The following DHCR7 variants were observed in gnomAD, a reference collection of about 807,000 sequenced individuals.
The protein encoded by DHCR7 is 7-DHC reductase.
A neutral mutation model predicts 43.3 loss-of-function variants in DHCR7; 40 were observed. The observed-to-expected ratio is 0.92, with a 90% CI of 0.72 to 1.20. The LOEUF is 1.20. DHCR7 is among the 50% of genes most tolerant of loss of function. The pLI, the probability that DHCR7 is intolerant of heterozygous loss-of-function variation, is 0.00. For missense variants in DHCR7, 608 were observed against 644.6 expected, an observed-to-expected ratio of 0.94 and a Z score of 0.62; for synonymous variants, 298 against 271.4, an observed-to-expected ratio of 1.10 and a Z score of -0.96.
downstream of DHCR7, among the ~76,000 whole-genome samples, chr11:71,427,467 A>G (rs1266346040): frequency 6.6e-6 from 1 of 152,220 alleles, no homozygotes; most frequent in African/African-American, 2.4e-5. Flanking sequence ...TTGCAAGAAT[A>G]GAAATAAAAT....
rs1565584240 is a variant in DHCR7, at chr11:71,435,046, G to A, written c.*329C>T. The A allele has an allele frequency of 7.4e-6, 4 of 539,678 alleles. No homozygotes were observed. The highest frequency in any genetic ancestry group is 1.4e-5 in the Non-Finnish European group (4 of 280,906). 33.4% of individuals were successfully genotyped at this position (539,678 alleles called of 1,614,324 possible). On this transcript the variant is annotated 3_prime_UTR_variant, in exon 9 of 9. Coordinates refer to ENST00000355527, the MANE Select transcript of DHCR7 (RefSeq NM_001360.3). The stretch of plus-strand genomic sequence containing the variant: ...TCCTGCTCACCAGTGTGGGCAGAGT[G>A]TAGCGTGGCCTGGGCTCCTAATACA...
rs1288578316 is a variant in DHCR7 at position 71,434,442 on chromosome 11, T to G, written c.*933A>C. ...GAACAGGGGAAGTTTAATATAAAGATGAACTCTACTCGGAGCATAGAGTTT... is the reference window on the plus strand; with the variant it reads ...GAACAGGGGAAGTTTAATATAAAGAGGAACTCTACTCGGAGCATAGAGTTT... On this transcript the variant is annotated 3_prime_UTR_variant, in exon 9 of 9. Transcript: ENST00000355527. The G allele has an allele frequency of 2.0e-5, 3 of 152,946 alleles. No individual in the cohort carries two copies. Among genetic ancestry groups the G allele is most frequent in the African/African-American group, 4.8e-5 (2 of 41,436 alleles). 9.5% of individuals were successfully genotyped at this position (152,946 alleles called of 1,614,324 possible). A position where few individuals can be genotyped will look rare whatever the true frequency, so the allele number is the denominator to read the frequency against.
chr11:71,428,850 C>T (rs1166656788), exon 3 of DHCR7: 1 of 456,308 alleles, frequency 2.2e-6, no homozygotes, highest in Admixed American at 2.3e-5. Context: ...CAGCATTTCT[C>T]ATCTGCAAGG....
downstream of DHCR7, among the ~76,000 whole-genome samples, chr11:71,432,470 G>A (rs1949233533): frequency 6.6e-6 from 1 of 152,190 alleles, no homozygotes; most frequent in South Asian, 2.1e-4. Flanking sequence ...ACAATGTGAT[G>A]TTTTGATACA....
intron 4 of DHCR7, 98 bp downstream of exon 4, chr11:71,443,895 A>T (rs1949374565): frequency 1.0e-6 from 1 of 986,676 alleles, no homozygotes; most frequent in Non-Finnish European, 1.5e-6. Flanking sequence ...TGTCAACCTG[A>T]GCCAGGATCC....
intron 3 of DHCR7, 69 bp from the exon 4 acceptor site, chr11:71,444,284 G>A: frequency 7.6e-7 from 1 of 1,317,598 alleles, no homozygotes; most frequent in Non-Finnish European, 1.1e-6. Context: ...ACCCTAAGAG[G>A]CTCTGTGTGG....
chr11:71,428,325 G>A (rs137882713), exon 3 of DHCR7: 31 of 152,304 alleles, frequency 2.0e-4, no homozygotes, highest in Admixed American at 1.7e-3. Flanking sequence ...ATGTCTTTGC[G>A]TTTTTATTAT....
downstream of DHCR7, among the ~76,000 whole-genome samples, chr11:71,430,571 G>T (rs1949223145): frequency 6.6e-6 from 1 of 152,188 alleles, no homozygotes; most frequent in Admixed American, 6.5e-5. Flanking sequence ...ACTGGCAAGG[G>T]CAAAGGGCTA....
chr11:71,444,107 A>G lies in DHCR7; in HGVS notation c.207T>C (p.Thr69=), dbSNP rs1790334. The G allele has an allele frequency of 0.92, 1,489,833 of 1,612,316 alleles. 693,393 individuals carry two copies. Among genetic ancestry groups the G allele is most frequent in the Non-Finnish European group, 0.96 (1,131,269 of 1,179,346 alleles). Residue 69 remains threonine, a synonymous_variant, in exon 4 of 9, where the codon ACT becomes ACC. Coordinates refer to ENST00000355527, the MANE Select transcript of DHCR7 (RefSeq NM_001360.3). ...MACDQYSCAL[T]GPVVDIVTGH... Reference sequence around the variant, plus strand: ...CGGTGACGATGTCCACCACAGGGCCAGTCAGGGCGCAGCTGTACTGGTCAC... The same window carrying G: ...CGGTGACGATGTCCACCACAGGGCCGGTCAGGGCGCAGCTGTACTGGTCAC...
At chr11:71,440,379 T>A (rs1282644204) in intron 6 of DHCR7, among the ~76,000 whole-genome samples, 1 of 144,088 alleles carries the variant, frequency 6.9e-6, no homozygotes, top group African/African-American at 2.6e-5. Context: ...TGTAGGTGGG[T>A]GGGTAGGTGG....
chr11:71,435,850 AG>A lies in DHCR7; in HGVS notation c.964-12del. The A allele has an allele frequency of 1.3e-6, 2 of 1,593,926 alleles. No homozygotes were observed. The highest frequency in any genetic ancestry group is 1.7e-6 in the Non-Finnish European group (2 of 1,171,514). ...CACCAAGTACAGACCCTGGGGGGCG[AG>A]GGGGAAGGGGTCAAGCGGTGCTTTG... is the stretch of plus-strand genomic sequence containing the variant. On this transcript the variant is annotated splice_polypyrimidine_tract_variant and intron_variant, in intron 8 of 8. Transcript: ENST00000355527.
In DHCR7 at chr11:71,435,543, C is replaced by T. The variant is rs756564409; in HGVS notation, c.1260G>A (p.Leu420=). 123 of 1,610,896 alleles carry T rather than the reference C, an allele frequency of 7.6e-5. No homozygotes were observed. The highest frequency in any genetic ancestry group is 9.7e-5 in the Non-Finnish European group (115 of 1,179,794). Residue 420 remains leucine (L), a synonymous_variant, in exon 9 of 9, where the codon CTG becomes CTA. Transcript: ENST00000355527. ...GCAGCAGGTGGCCGCCGCCACAGGC[C>T]AGGCAGTAGGCCAGGCTGCCCATCA... ...GDLMGSLAYC[L]ACGGGHLLPY... is the part of the protein sequence containing the mutation.
rs182965373 is a variant in DHCR7, at chr11:71,435,318, G to A, written c.*57C>T. ...TTGGAGCTGGGATGCCAGCCCCCATGGACCTGGCAGAACACGCTCTTGACA... is the reference window on the plus strand; with the variant it reads ...TTGGAGCTGGGATGCCAGCCCCCATAGACCTGGCAGAACACGCTCTTGACA... On this transcript the variant is annotated 3_prime_UTR_variant, in exon 9 of 9. Transcript: ENST00000355527. The A allele has an allele frequency of 2.5e-5, 39 of 1,578,304 alleles. No homozygotes were observed. The East Asian group carries it at 6.3e-4, about 25-fold the overall frequency.
rs774861874 is a variant in DHCR7 at position 71,435,894 on chromosome 11, A to G, written c.964-55T>C. On this transcript the variant is annotated intron_variant, in intron 8 of 8. Transcript: ENST00000355527. The stretch of plus-strand genomic sequence containing the variant: ...GTGCTTTGCCCAGGGAGAGGACAGG[A>G]GTGTGGGCTCGGGGGCCCAGCGGCC... 20 of 1,505,594 alleles carry G rather than the reference A, an allele frequency of 1.3e-5. No homozygotes were observed. In the South Asian group the frequency reaches 2.1e-4, roughly 16 times the overall value. 93.3% of individuals were successfully genotyped at this position (1,505,594 alleles called of 1,614,324 possible). A position where few individuals can be genotyped will look rare whatever the true frequency, so the allele number is the denominator to read the frequency against.
rs377129380 is a variant in DHCR7, at chr11:71,428,694, C to T, written c.*129G>A. 430 of 370,248 alleles carry T rather than the reference C, an allele frequency of 1.2e-3. 6 individuals are homozygous for T. The highest frequency in any genetic ancestry group is 8.3e-3 in the South Asian group (417 of 50,458). 22.9% of individuals were successfully genotyped at this position (370,248 alleles called of 1,614,324 possible). A position where few individuals can be genotyped will look rare whatever the true frequency, so the allele number is the denominator to read the frequency against. ...AGGTACAGAGGGCCGTGGTGAACCT[C>T]CCTGCAGCTCCCTGCAGCTCCCTGC... On this transcript the variant is annotated 3_prime_UTR_variant, in exon 3 of 3. Coordinates refer to the DHCR7 transcript ENST00000534795.
chr11:71,435,800 G>A lies in DHCR7; in HGVS notation c.1003C>T (p.Pro335Ser), dbSNP rs1949273213. The A allele has an allele frequency of 6.2e-7, 1 of 1,607,468 alleles. No homozygotes were observed. The highest frequency in any genetic ancestry group is 1.1e-5 in the South Asian group (1 of 90,928). Residue 335 changes from proline (P) to serine (S), a missense_variant, in exon 9 of 9, where the codon CCG becomes TCG. Pro to Ser is a moderately conservative substitution (Grantham distance 74). Coordinates refer to ENST00000355527, the MANE Select transcript of DHCR7 (RefSeq NM_001360.3). ...AGCAGCAGGACGCCCACGGCGTGCG[G>A]GGTGGACAGCTGCACGGGGTGGTAC... is the stretch of plus-strand genomic sequence containing the variant. ...LVYHPVQLST[P>S]HAVGVLLLGL...
At chr11:71,443,842 G>A in intron 4 of DHCR7, 151 bp downstream of exon 4, 5 of 625,040 alleles carry the variant, frequency 8.0e-6, no homozygotes, top group Non-Finnish European at 1.4e-5. Context: ...ATCTGAACAT[G>A]TCAGAGTCCA....
rs556280113 is a variant in DHCR7 at position 71,447,653 on chromosome 11, T to C, written c.-50A>G. The C allele has an allele frequency of 6.6e-6, 1 of 152,398 alleles. No homozygotes were observed. The highest frequency in any genetic ancestry group is 1.5e-5 in the Non-Finnish European group (1 of 68,064). 9.4% of individuals were successfully genotyped at this position (152,398 alleles called of 1,614,324 possible). ...TAGTTTCACAGCAGAAGGGAACTTT[T>C]CCTTCTTGAACCGGCCCCTTAAAAG... is the stretch of plus-strand genomic sequence containing the variant. On this transcript the variant is annotated 5_prime_UTR_variant, in exon 2 of 9. Coordinates refer to ENST00000355527, the MANE Select transcript of DHCR7 (RefSeq NM_001360.3).
At chr11:71,430,208 T>C (rs1262426955), downstream of DHCR7, among the ~76,000 whole-genome samples, 1 of 152,236 alleles carries the variant, frequency 6.6e-6, no homozygotes, top group African/African-American at 2.4e-5. Flanking sequence ...GGCCGGGCTG[T>C]GGCCTGACGT....
Sources: gnomAD v4.1 joint callset for allele counts (sites outside exome capture counted in the v4.1 genomes callset) on GRCh38, gnomAD v4.1.1 for gene constraint, MANE v1.5 for transcripts, NCBI Gene and HGNC (gene_info 2026-07-23, HGNC 2026-07-21) for gene names.